COL4A2: variants seen among roughly 807,000 people sequenced by gnomAD.
COL4A2 encodes the protein collagen alpha-2(IV) chain.
A neutral mutation model predicts 200.2 loss-of-function variants in COL4A2; 99 were observed. The ratio of observed to expected loss-of-function variants is 0.49; its 90% confidence interval spans 0.42 to 0.58. The LOEUF (loss-of-function observed/expected upper bound fraction) is 0.58, where lower values mean the gene tolerates loss of function less well. COL4A2 is among the 20% of genes least tolerant of loss of function. COL4A2 has a pLI of 0.00. For missense variants in COL4A2, 1,950 were observed against 2,314.1 expected (o/e 0.84, Z 3.23); for synonymous variants, 897 against 900.6 (o/e 1.00, Z 0.07).
intron 30 of COL4A2, among the ~76,000 whole-genome samples, chr13:110,479,260 G>GAC (rs1281551158): frequency 6.6e-6 from 1 of 152,224 alleles, no homozygotes; most frequent in African/African-American, 2.4e-5. Flanking sequence ...TGGGGAGAGA[G>GAC]ACACACACAT....
chr13:110,497,540 T>C (rs61486921), intron 40 of COL4A2, among the ~76,000 whole-genome samples: 253 of 36,646 alleles, frequency 6.9e-3, no homozygotes, highest in South Asian at 8.4e-3. Flanking sequence ...GACTGAGGAT[T>C]TAGGTCAGTC....
At chr13:110,389,865 C>CAAAA (rs5806852) in intron 4 of COL4A2, among the ~76,000 whole-genome samples, 3 of 148,318 alleles carry the variant, frequency 2.0e-5, no homozygotes. Flanking sequence ...CTTTCTAAAG[C>CAAAA]AAAAAAAAAA....
intron 3 of COL4A2, among the ~76,000 whole-genome samples, chr13:110,318,164 G>T (rs1385646524): frequency 6.6e-6 from 1 of 152,126 alleles, no homozygotes; most frequent in Non-Finnish European, 1.5e-5. Flanking sequence ...ATGTCCCAGG[G>T]TCTCATGTAT....
chr13:110,453,645 G>A (rs1323698258), intron 20 of COL4A2, among the ~76,000 whole-genome samples: 1 of 152,134 alleles, frequency 6.6e-6, no homozygotes, highest in Non-Finnish European at 1.5e-5. Flanking sequence ...GTAAATCCGT[G>A]GTTTACTAGC....
intron 34 of COL4A2, among the ~76,000 whole-genome samples, chr13:110,487,100 T>G (rs979203839): frequency 6.6e-6 from 1 of 152,194 alleles, no homozygotes; most frequent in African/African-American, 2.4e-5. Context: ...ACTCCCAAAA[T>G]CTGCAGCTGA....
At chr13:110,429,774 A>C in intron 7 of COL4A2, 111 bp from the exon 8 acceptor site, 1 of 1,016,154 alleles carries the variant, frequency 9.8e-7, no homozygotes. Context: ...AAGAACAATT[A>C]GACCTTGCCC....
chr13:110,328,215 C>T (rs1003017780), intron 3 of COL4A2, among the ~76,000 whole-genome samples: 6 of 152,216 alleles, frequency 3.9e-5, no homozygotes, highest in African/African-American at 1.2e-4. Flanking sequence ...ATAAATATTA[C>T]GAATTTGTTT....
At position 110,444,458 on chromosome 13, in the gene COL4A2, A is replaced by T. The variant is rs114131781; in HGVS notation, c.958-1371A>T. ...TGACGTGGCCTCTAAACAGGACCTC[A>T]TTTTTAAAATCACAGAAGTTTGTCT... On this transcript the variant is annotated intron_variant, in intron 16 of 47. Transcript: ENST00000360467. 3.8e-3 allele frequency among the ~76,000 whole-genome samples: 586 copies of T among 152,316 alleles called. 5 individuals are homozygous for T. Among genetic ancestry groups the T allele is most frequent in the African/African-American group, 0.013 (556 of 41,572 alleles).
chr13:110,398,879 A>G (rs1879275107), intron 4 of COL4A2, among the ~76,000 whole-genome samples: 1 of 151,570 alleles, frequency 6.6e-6, no homozygotes, highest in Non-Finnish European at 1.5e-5. Flanking sequence ...TTTTTTTTTT[A>G]GCCAAGTCAA....
At chr13:110,480,418 C>A (rs758879297) in intron 31 of COL4A2, 28 bp downstream of exon 31, 6 of 1,592,098 alleles carry the variant, frequency 3.8e-6, no homozygotes, top group East Asian at 2.2e-5. Context: ...ACCAGGGATC[C>A]CTTGGCGGGG....
At chr13:110,502,395 G>C in intron 41 of COL4A2, among the ~76,000 whole-genome samples, 1 of 152,190 alleles carries the variant, frequency 6.6e-6, no homozygotes. Flanking sequence ...CACGATCTTA[G>C]CTCGCTGCAA....
chr13:110,449,274 G>C (rs185140807), intron 18 of COL4A2, among the ~76,000 whole-genome samples: 1 of 152,172 alleles, frequency 6.6e-6, no homozygotes, highest in Non-Finnish European at 1.5e-5. Flanking sequence ...TTGTTCAGGG[G>C]TGAAAGTTTT....
intron 3 of COL4A2, among the ~76,000 whole-genome samples, chr13:110,352,192 A>G (rs1170292660): frequency 6.6e-6 from 1 of 152,184 alleles, no homozygotes; most frequent in Non-Finnish European, 1.5e-5. Context: ...GCTTTCTAGC[A>G]GTGAGAGCCT....
intron 4 of COL4A2, among the ~76,000 whole-genome samples, chr13:110,385,614 G>A (rs1352184915): frequency 1.3e-5 from 2 of 148,476 alleles, no homozygotes; most frequent in African/African-American, 5.1e-5. Context: ...TGGATAGGCC[G>A]TGGCTACAGT....
chr13:110,386,504 C>T (rs1594184676), intron 4 of COL4A2, among the ~76,000 whole-genome samples: 1 of 152,112 alleles, frequency 6.6e-6, no homozygotes, highest in Non-Finnish European at 1.5e-5. Flanking sequence ...TTGATCCCTC[C>T]TTGTCTGTAA....
At position 110,491,343 on chromosome 13, in the gene COL4A2, A is replaced by G; in HGVS notation, c.3454+3A>G. The stretch of plus-strand genomic sequence containing the variant: ...TCCTGGACTTAAAGGACAAACAGGT[A>G]AAATCTCCCGCAGCCACACAGCCTT... On this transcript the variant is annotated splice_donor_region_variant and intron_variant, in intron 37 of 47. Transcript: ENST00000360467. 6.4e-7 allele frequency: 1 copy of G among 1,565,744 alleles called. No homozygotes were observed. The highest frequency in any genetic ancestry group is 8.7e-7 in the Non-Finnish European group (1 of 1,150,424).
rs1019020757 is a variant in COL4A2 at position 110,508,466 on chromosome 13, G to A, written c.4881+245G>A. 4.8e-6 allele frequency: 3 copies of A among 629,978 alleles called. No individual in the cohort carries two copies. The highest frequency in any genetic ancestry group is 3.7e-5 in the African/African-American group (2 of 54,456). 39.0% of individuals were successfully genotyped at this position (629,978 alleles called of 1,614,324 possible). A position where few individuals can be genotyped will look rare whatever the true frequency, so the allele number is the denominator to read the frequency against. On this transcript the variant is annotated intron_variant, in intron 47 of 47. Transcript: ENST00000360467. This position sits in a 1 kb window ranked among gnomAD's most constrained non-coding sequence, Gnocchi z 6.1. ...TAATTTGCCACCAGGCCTTTGTAAGGAGTGTAACCAGGACGAACTTGCCTG... is the reference window on the plus strand; with the variant it reads ...TAATTTGCCACCAGGCCTTTGTAAGAAGTGTAACCAGGACGAACTTGCCTG...
chr13:110,411,979 C>T (rs747870976), intron 4 of COL4A2, among the ~76,000 whole-genome samples: 3 of 152,158 alleles, frequency 2.0e-5, no homozygotes, highest in Admixed American at 6.5e-5. Flanking sequence ...GAAAGTGCTC[C>T]GAACAGTGAA....
At chr13:110,505,308 C>T (rs1251484149) in intron 45 of COL4A2, among the ~76,000 whole-genome samples, 1 of 152,084 alleles carries the variant, frequency 6.6e-6, no homozygotes, top group African/African-American at 2.4e-5. Context: ...CAAGATCGCG[C>T]CACTGCACTC....
Sources: allele counts gnomAD v4.1 joint callset (sites outside exome capture counted in the v4.1 genomes callset), GRCh38; gene constraint gnomAD v4.1.1; non-coding constraint Gnocchi (gnomAD v3.1); transcripts MANE v1.5; gene names NCBI Gene and HGNC (gene_info 2026-07-23, HGNC 2026-07-21).